PMPCA: variants seen among roughly 807,000 people sequenced by gnomAD.
The protein encoded by PMPCA is mitochondrial-processing peptidase subunit alpha.
Under a neutral mutation model 59.3 loss-of-function variants are expected in PMPCA, and 47 were observed. That is an observed-to-expected ratio of 0.79 (90% confidence interval 0.63 to 1.01). The LOEUF (loss-of-function observed/expected upper bound fraction) is 1.01. Ranked by LOEUF, PMPCA falls within the 50% of genes least tolerant of loss-of-function variation. PMPCA has a pLI of 0.00. For missense variants in PMPCA, 726 were observed against 704.5 expected (o/e 1.03, Z -0.34); for synonymous variants, 338 against 290.3 (o/e 1.16, Z -1.67).
In PMPCA at chr9:136,423,378, A is replaced by T; in HGVS notation, c.*114A>T. On this transcript the variant is annotated 3_prime_UTR_variant, in exon 13 of 13. Transcript: ENST00000371717. ...GCTGTCTGGTTGTATAAACGGTGCA[A>T]ACAATGTCGCCACAGCACCCACGCG... is the stretch of plus-strand genomic sequence containing the variant. 9.1e-7 allele frequency: 1 copy of T among 1,101,230 alleles called. No homozygotes were observed. Among genetic ancestry groups the T allele is most frequent in the Non-Finnish European group, 1.3e-6 (1 of 783,404 alleles). The allele number at this position is 1,101,230 out of a possible 1,614,324, so 68.2% of individuals were successfully genotyped here.
Position 136,414,692 on chromosome 9 carries a change from G to A in PMPCA, c.532+45G>A, listed in dbSNP as rs369866539. 260 of 1,250,682 alleles carry A rather than the reference G, an allele frequency of 2.1e-4. 2 individuals carry two copies. Among genetic ancestry groups the A allele is most frequent in the African/African-American group, 1.6e-3 (108 of 68,070 alleles). 77.5% of individuals were successfully genotyped at this position (1,250,682 alleles called of 1,614,324 possible). On this transcript the variant is annotated intron_variant, in intron 5 of 12. Coordinates refer to ENST00000371717, the MANE Select transcript of PMPCA (RefSeq NM_015160.3). ...GCGTTTGAGGTGGGCTTGGACATAG[G>A]GAAGACCGGAAAGGTTTGCAGAAGC...
intron 1 of PMPCA, 118 bp downstream of exon 1, chr9:136,410,857 G>A (rs947908578): frequency 2.4e-6 from 2 of 843,398 alleles, no homozygotes; most frequent in Non-Finnish European, 3.2e-6. Flanking sequence ...TCGCACTTCG[G>A]GACACTGGTG....
Position 136,410,698 on chromosome 9 carries a change from G to T in PMPCA, c.30G>T (p.Arg10=), listed in dbSNP as rs773702555. 1 of 1,418,342 alleles carries T rather than the reference G, an allele frequency of 7.1e-7. No homozygotes were observed. Among genetic ancestry groups the T allele is most frequent in the Non-Finnish European group, 9.2e-7 (1 of 1,088,012 alleles). 87.9% of individuals were successfully genotyped at this position (1,418,342 alleles called of 1,614,324 possible). The change falls in exon 1 of 13, where the codon CGG becomes CGT. Residue 10 remains arginine, a synonymous_variant. Coordinates refer to ENST00000371717, the MANE Select transcript of PMPCA (RefSeq NM_015160.3). MAAVVLAAT[R]LLRGSGSWGC... is the part of the protein sequence containing the mutation. ...CGGCTGTGGTGCTGGCGGCGACGCG[G>T]TTGCTGCGGGGCTCGGGTTCTTGGG...
At position 136,418,678 on chromosome 9, in the gene PMPCA, G is replaced by T. The variant is rs1284637549; in HGVS notation, c.1109+5G>T. 6.3e-6 allele frequency: 10 copies of T among 1,594,584 alleles called. No individual in the cohort carries two copies. Among genetic ancestry groups the T allele is most frequent in the Non-Finnish European group, 8.6e-6 (10 of 1,162,150 alleles). ...CTACCTCAACGTGCTCAACAGGTGG[G>T]TTGCACTCTTTTCTGTATCCTCAGG... On this transcript the variant is annotated splice_donor_5th_base_variant and intron_variant, in intron 9 of 12. Coordinates refer to ENST00000371717, the MANE Select transcript of PMPCA (RefSeq NM_015160.3).
Position 136,414,658 on chromosome 9 carries a change from C to T in PMPCA, c.532+11C>T, listed in dbSNP as rs1253615344. The T allele has an allele frequency of 1.3e-6, 2 of 1,582,488 alleles. No individual in the cohort carries two copies. The highest frequency in any genetic ancestry group is 1.1e-5 in the South Asian group (1 of 90,462). On this transcript the variant is annotated intron_variant, in intron 5 of 12. Transcript: ENST00000371717. Reference sequence around the variant, plus strand: ...AGCCCCGGCTAACAGGTGTGGATCCCAGCCGCTGGCGTTTGAGGTGGGCTT... The same window carrying T: ...AGCCCCGGCTAACAGGTGTGGATCCTAGCCGCTGGCGTTTGAGGTGGGCTT...
intron 5 of PMPCA, chr9:136,415,975 C>A: frequency 2.4e-6 from 1 of 422,622 alleles, no homozygotes; most frequent in Non-Finnish European, 4.3e-6. Context: ...GTCTCGTGTC[C>A]TCACAGCAGC....
intron 12 of PMPCA, chr9:136,422,846 T>C: frequency 7.6e-7 from 1 of 1,314,706 alleles, no homozygotes; most frequent in Non-Finnish European, 9.7e-7. Context: ...GTGTAACTCT[T>C]CTTGGGTGGC....
At chr9:136,419,271 A>C in intron 11 of PMPCA, 165 bp downstream of exon 11, 1 of 724,974 alleles carries the variant, frequency 1.4e-6, no homozygotes, top group South Asian at 1.5e-5. Flanking sequence ...CCTGGGGCTG[A>C]GCTGCTCCAC....
chr9:136,411,007 C>T (rs980417358), intron 1 of PMPCA: 4 of 378,032 alleles, frequency 1.1e-5, no homozygotes, highest in Middle Eastern at 6.8e-4. Context: ...GAGGCCATGC[C>T]TCATATTTGC....
At chr9:136,418,469 C>A in intron 8 of PMPCA, 86 bp from the exon 9 acceptor site, 1 of 884,450 alleles carries the variant, frequency 1.1e-6, no homozygotes, top group South Asian at 1.5e-5. Flanking sequence ...GGCGACTCAG[C>A]CAGCTCTGCC....
At chr9:136,414,852 C>G (rs561460861) in intron 5 of PMPCA, among the ~76,000 whole-genome samples, 4 of 152,178 alleles carry the variant, frequency 2.6e-5, no homozygotes, top group Non-Finnish European at 5.9e-5. Context: ...TTGGGAGGCT[C>G]AGGCAGGCAA....
chr9:136,416,202 C>A, intron 5 of PMPCA, 89 bp from the exon 6 acceptor site: 1 of 951,834 alleles, frequency 1.1e-6, no homozygotes, highest in Non-Finnish European at 1.7e-6. Flanking sequence ...ACAGGCGACA[C>A]TCAGGCCAGC....
At chr9:136,417,930 TA>T in intron 7 of PMPCA, 86 bp from the exon 8 acceptor site, 2 of 976,210 alleles carry the variant, frequency 2.0e-6, no homozygotes, top group Non-Finnish European at 3.3e-6. Flanking sequence ...GATTTCTGTG[TA>T]ACCACTCTGA....
Position 136,418,542 on chromosome 9 carries a change from T to C in PMPCA, c.991-13T>C. The C allele has an allele frequency of 6.4e-7, 1 of 1,551,000 alleles. No individual in the cohort carries two copies. Among genetic ancestry groups the C allele is most frequent in the Non-Finnish European group, 8.9e-7 (1 of 1,122,876 alleles). ...GTGGGTGGTTCAGCCAGCTCTGCCC[T>C]CCGTCCCTGCAGGAGGAGGACTTCA... On this transcript the variant is annotated splice_polypyrimidine_tract_variant and intron_variant, in intron 8 of 12. Coordinates refer to ENST00000371717, the MANE Select transcript of PMPCA (RefSeq NM_015160.3).
chr9:136,413,531 A>C (rs1835192627), intron 4 of PMPCA, among the ~76,000 whole-genome samples: 1 of 152,198 alleles, frequency 6.6e-6, no homozygotes, highest in Admixed American at 6.5e-5. Flanking sequence ...AAAAAATTAC[A>C]CATAAAAGAC....
Position 136,417,088 on chromosome 9 carries a change from C to T in PMPCA, c.771C>T (p.Gly257=), listed in dbSNP as rs781745140. 13 of 1,613,846 alleles carry T rather than the reference C, an allele frequency of 8.1e-6. No homozygotes were observed. The highest frequency in any genetic ancestry group is 4.5e-5 in the East Asian group (2 of 44,904). The change falls in exon 7 of 13, where the codon GGC becomes GGT. Residue 257 remains glycine, a synonymous_variant. Transcript: ENST00000371717. Reference sequence around the variant, plus strand: ...ACCGCATGGTGCTGGCCGGCGTGGGCGTGGAGCACGAGCATCTGGTGGACT... The same window carrying T: ...ACCGCATGGTGCTGGCCGGCGTGGGTGTGGAGCACGAGCATCTGGTGGACT... ...TPDRMVLAGV[G]VEHEHLVDCA...
At position 136,421,822 on chromosome 9, in the gene PMPCA, C is replaced by G; in HGVS notation, c.1264-10C>G. On this transcript the variant is annotated splice_polypyrimidine_tract_variant and intron_variant, in intron 11 of 12. Coordinates refer to ENST00000371717, the MANE Select transcript of PMPCA (RefSeq NM_015160.3). ...GGGTGTGTGCTCACCTGACTGGACC[C>G]TGGCCCCAGGTGGAGCTGGAACGAG... 3 of 1,578,356 alleles carry G rather than the reference C, an allele frequency of 1.9e-6. No homozygotes were observed. Among genetic ancestry groups the G allele is most frequent in the Non-Finnish European group, 2.6e-6 (3 of 1,157,818 alleles).
chr9:136,414,522 C>T (rs375891093), intron 4 of PMPCA, 31 bp from the exon 5 acceptor site: 25 of 1,431,840 alleles, frequency 1.7e-5, no homozygotes, highest in African/African-American at 1.1e-4. Context: ...GAGTTCAGGG[C>T]CTGGCATTAT....
At position 136,415,811 on chromosome 9, in the gene PMPCA, TTAG is replaced by T. The variant is rs776372614; in HGVS notation, c.533-476_533-474del. Among the ~76,000 whole-genome samples, 26 of 152,304 alleles carry T rather than the reference TTAG, an allele frequency of 1.7e-4. 1 individual carries two copies. The East Asian group carries it at 1.7e-3, about 10-fold the overall frequency. ...CCGCGCCCAGTTAATTTTTGTATTT[TTAG>T]TAGAGATGGGGTTTCACAGTGCTGG... is the stretch of plus-strand genomic sequence containing the variant. On this transcript the variant is annotated intron_variant, in intron 5 of 12. Coordinates refer to ENST00000371717, the MANE Select transcript of PMPCA (RefSeq NM_015160.3).
Sources: allele counts gnomAD v4.1 joint callset (sites outside exome capture counted in the v4.1 genomes callset), GRCh38; gene constraint gnomAD v4.1.1; transcripts MANE v1.5; gene names NCBI Gene and HGNC (gene_info 2026-07-23, HGNC 2026-07-21).